The following RERE variants were observed in gnomAD, a reference collection of about 807,000 sequenced individuals.
The protein encoded by RERE is arginine-glutamic acid dipeptide repeats.
Under a neutral mutation model 146.1 loss-of-function variants are expected in RERE, and 40 were observed. The ratio of observed to expected loss-of-function variants is 0.27; its 90% CI spans 0.21 to 0.36. RERE has a LOEUF of 0.36. Ranked by LOEUF, RERE falls within the 10% of genes least tolerant of loss-of-function variation. RERE has a pLI of 1.00. For missense variants in RERE, 1,933 were observed against 2,138.7 expected, an observed-to-expected ratio of 0.90 and a Z score of 1.90; for synonymous variants, 1,003 against 866.0, an observed-to-expected ratio of 1.16 and a Z score of -2.78.
At chr1:8,781,817 AATT>A (rs763626957) in intron 1 of RERE, among the ~76,000 whole-genome samples, 17 of 151,972 alleles carry the variant, frequency 1.1e-4, no homozygotes, top group Non-Finnish European at 2.2e-4. Context: ...TAGTGATCTA[AATT>A]ACCAAACCAT....
chr1:8,356,286 G>A lies in RERE; in HGVS notation c.4340-40C>T, dbSNP rs1366885369. ...AAACGCCAGATGGAGGCGGTGTGCAGCTCTTCAATGTTTGTCCCCCTTGGC... is the reference window on the plus strand; with the variant it reads ...AAACGCCAGATGGAGGCGGTGTGCAACTCTTCAATGTTTGTCCCCCTTGGC... On this transcript the variant is annotated intron_variant, in intron 20 of 22. Coordinates refer to ENST00000400908, the MANE Select transcript of RERE (RefSeq NM_001042681.2). This position sits in a 1 kb window ranked among gnomAD's most constrained non-coding sequence, Gnocchi z 5.2. 2.0e-6 allele frequency: 3 copies of A among 1,481,140 alleles called. No homozygotes were observed. The highest frequency in any genetic ancestry group is 3.3e-5 in the Admixed American group (1 of 30,562). 91.7% of individuals were successfully genotyped at this position (1,481,140 alleles called of 1,614,324 possible).
chr1:8,534,387 G>T lies in RERE; in HGVS notation c.830+6827C>A, dbSNP rs1217933145. Reference sequence around the variant, plus strand: ...AACTAGCAGAAATTCTGTAGTACTGGATTGAACTTGGAGAATTTCACATGA... The same window carrying T: ...AACTAGCAGAAATTCTGTAGTACTGTATTGAACTTGGAGAATTTCACATGA... On this transcript the variant is annotated intron_variant, in intron 7 of 22. Coordinates refer to ENST00000400908, the MANE Select transcript of RERE (RefSeq NM_001042681.2). Among the ~76,000 whole-genome samples the T allele has an allele frequency of 5.3e-5, 8 of 152,284 alleles. No homozygotes were observed. In the East Asian group the frequency reaches 5.8e-4, roughly 11 times the overall value.
intron 7 of RERE, among the ~76,000 whole-genome samples, chr1:8,511,485 A>T (rs1272102268): frequency 6.6e-6 from 1 of 152,250 alleles, no homozygotes; most frequent in Non-Finnish European, 1.5e-5. Context: ...GGTGCAGACA[A>T]TGGCATTAGC....
At chr1:8,679,762 T>C (rs564015984) in intron 1 of RERE, among the ~76,000 whole-genome samples, 1 of 152,362 alleles carries the variant, frequency 6.6e-6, no homozygotes, top group African/African-American at 2.4e-5. Flanking sequence ...GGCAGAGTTC[T>C]GTTTTCTACA....
At chr1:8,378,201 A>G (rs148272223) in intron 12 of RERE, among the ~76,000 whole-genome samples, 39 of 152,374 alleles carry the variant, frequency 2.6e-4, no homozygotes, top group African/African-American at 9.1e-4. Context: ...ACCCTCTTCA[A>G]GATGTGAAAT....
chr1:8,751,669 A>G (rs1445782130), intron 1 of RERE, among the ~76,000 whole-genome samples: 1 of 152,190 alleles, frequency 6.6e-6, no homozygotes, highest in African/African-American at 2.4e-5. Flanking sequence ...GAGGCTAAAC[A>G]GAGACCCAGT....
At chr1:8,772,594 G>A (rs1336604227) in intron 1 of RERE, among the ~76,000 whole-genome samples, 3 of 152,028 alleles carry the variant, frequency 2.0e-5, no homozygotes, top group African/African-American at 4.8e-5. Context: ...AGCCAACATG[G>A]TGAAACCCCA....
chr1:8,692,353 TTTC>T (rs1489323788), intron 1 of RERE, among the ~76,000 whole-genome samples: 37 of 150,854 alleles, frequency 2.5e-4, no homozygotes, highest in Admixed American at 9.9e-4. Flanking sequence ...ACTTTTTTTT[TTTC>T]TTTTTTTTTG....
At chr1:8,693,680 T>C (rs1570616510) in intron 1 of RERE, among the ~76,000 whole-genome samples, 1 of 152,156 alleles carries the variant, frequency 6.6e-6, no homozygotes, top group East Asian at 1.9e-4. Flanking sequence ...ATGCATGTTA[T>C]GAAACATTTC....
chr1:8,624,474 A>T (rs1570529867), intron 2 of RERE, 94 bp from the exon 3 acceptor site: 1 of 773,570 alleles, frequency 1.3e-6, no homozygotes, highest in East Asian at 2.6e-5. Context: ...AATAAATGAC[A>T]AAGCACATAT....
intron 6 of RERE, 66 bp from the exon 7 acceptor site, chr1:8,541,384 G>C: frequency 2.1e-6 from 2 of 949,280 alleles, no homozygotes; most frequent in Admixed American, 1.9e-5. Context: ...AAACTGGAGG[G>C]GGAAGGGTGG....
intron 1 of RERE, among the ~76,000 whole-genome samples, chr1:8,815,192 C>G (rs190527316): frequency 1.1e-3 from 174 of 152,262 alleles, no homozygotes; most frequent in Non-Finnish European, 1.6e-3. Flanking sequence ...AAAGGAGCCC[C>G]CTAAACAGAA....
intron 11 of RERE, among the ~76,000 whole-genome samples, chr1:8,429,064 A>C (rs1267599635): frequency 6.6e-6 from 1 of 152,172 alleles, no homozygotes; most frequent in Non-Finnish European, 1.5e-5. Flanking sequence ...AGGCAGGGAA[A>C]CACCACCCTA....
intron 1 of RERE, among the ~76,000 whole-genome samples, chr1:8,731,866 G>A (rs771904241): frequency 1.3e-5 from 2 of 152,006 alleles, no homozygotes; most frequent in South Asian, 2.1e-4. Context: ...GCAATGGCAC[G>A]ATCTCGACTC....
intron 4 of RERE, among the ~76,000 whole-genome samples, chr1:8,602,251 C>T (rs572036041): frequency 3.0e-4 from 45 of 151,936 alleles, no homozygotes; most frequent in African/African-American, 9.2e-4. Flanking sequence ...ATCAGCCAGG[C>T]GTGGTGGCGG....
At chr1:8,712,578 C>T (rs1301557631) in intron 1 of RERE, among the ~76,000 whole-genome samples, 1 of 152,150 alleles carries the variant, frequency 6.6e-6, no homozygotes, top group African/African-American at 2.4e-5. Context: ...CAGAATAGGG[C>T]AGGTCCTTTA....
At chr1:8,591,938 G>C (rs1420480697) in intron 4 of RERE, among the ~76,000 whole-genome samples, 1 of 152,008 alleles carries the variant, frequency 6.6e-6, no homozygotes, top group South Asian at 2.1e-4. Flanking sequence ...TCCTCTAAAG[G>C]TGCCTACTAT....
At chr1:8,717,541 G>A (rs1035589664) in intron 1 of RERE, among the ~76,000 whole-genome samples, 4 of 152,214 alleles carry the variant, frequency 2.6e-5, no homozygotes, top group African/African-American at 7.2e-5. Flanking sequence ...AAATTAAGAT[G>A]TAGAAACATA....
At chr1:8,583,547 C>CT (rs1242984718) in intron 4 of RERE, among the ~76,000 whole-genome samples, 1 of 152,156 alleles carries the variant, frequency 6.6e-6, no homozygotes, top group Non-Finnish European at 1.5e-5. Flanking sequence ...CCTTGCAGGG[C>CT]TAAAGGGGCT....
Sources: allele counts gnomAD v4.1 joint callset (sites outside exome capture counted in the v4.1 genomes callset), GRCh38; gene constraint gnomAD v4.1.1; non-coding constraint Gnocchi (gnomAD v3.1); transcripts MANE v1.5; gene names NCBI Gene and HGNC (gene_info 2026-07-23, HGNC 2026-07-21).